SLC26A4: variants seen among roughly 807,000 people sequenced by gnomAD.
The protein encoded by SLC26A4 is solute carrier family 26 member 4, also known as pendrin.
In SLC26A4, 93 loss-of-function variants were observed where a neutral mutation model predicts 90.4. The ratio of observed to expected loss-of-function variants is 1.03; its 90% confidence interval spans 0.87 to 1.22. The LOEUF (loss-of-function observed/expected upper bound fraction) is 1.22, where lower values mean the gene tolerates loss of function less well. Ranked by LOEUF, SLC26A4 falls within the 50% of genes most tolerant of loss-of-function variation. The pLI is 0.00. For synonymous variants in SLC26A4, 393 were observed against 354.6 expected (o/e 1.11, Z -1.22); for missense variants, 1,127 against 946.2 (o/e 1.19, Z -2.51).
At chr7:107,683,677 A>G in intron 8 of SLC26A4, 140 bp downstream of exon 8, 1 of 707,318 alleles carries the variant, frequency 1.4e-6, no homozygotes, top group East Asian at 2.7e-5. Context: ...TGGAAGAAAC[A>G]ACCATAAGAC....
intron 6 of SLC26A4, among the ~76,000 whole-genome samples, chr7:107,675,436 G>A (rs1309182308): frequency 6.6e-6 from 1 of 151,800 alleles, no homozygotes; most frequent in African/African-American, 2.4e-5. Flanking sequence ...GAGCCCTGGA[G>A]GTTGAGGCTG....
At chr7:107,701,441 G>T (rs1791882859) in intron 16 of SLC26A4, among the ~76,000 whole-genome samples, 1 of 152,136 alleles carries the variant, frequency 6.6e-6, no homozygotes, top group South Asian at 2.1e-4. Flanking sequence ...AACAGTGTCT[G>T]CATTATTTTC....
intron 6 of SLC26A4, among the ~76,000 whole-genome samples, chr7:107,679,218 A>C (rs920992010): frequency 6.6e-6 from 1 of 152,010 alleles, no homozygotes; most frequent in African/African-American, 2.4e-5. Context: ...ATTTCCCACC[A>C]CTCAATTTGA....
At chr7:107,707,031 T>C (rs1358079911) in intron 18 of SLC26A4, among the ~76,000 whole-genome samples, 1 of 152,064 alleles carries the variant, frequency 6.6e-6, no homozygotes. Flanking sequence ...TAGCTGGGCA[T>C]GGAGCCTGAG....
Position 107,694,670 on chromosome 7 carries a change from A to G in SLC26A4, c.1391A>G (p.Gln464Arg). ...GCCAACCTGAAAGGGATGTTTATGC[A>G]GCTGTGTGACATTCCTCGTCTGTGG... is the stretch of plus-strand genomic sequence containing the variant. Reference protein sequence around the residue: ...VIANLKGMFMQLCDIPRLWRQ... With the variant: ...VIANLKGMFMRLCDIPRLWRQ... The change falls in exon 12 of 21, where the codon CAG (glutamine) becomes CGG (arginine). Residue 464 changes from glutamine to arginine, a missense_variant. Physicochemically the swap from Gln to Arg is conservative, Grantham distance 43. Transcript: ENST00000644269. 1 of 1,613,750 alleles carries G rather than the reference A, an allele frequency of 6.2e-7. No homozygotes were observed. The highest frequency in any genetic ancestry group is 8.5e-7 in the Non-Finnish European group (1 of 1,179,670).
At chr7:107,713,179 C>T (rs2129320528) in intron 20 of SLC26A4, among the ~76,000 whole-genome samples, 1 of 152,286 alleles carries the variant, frequency 6.6e-6, no homozygotes, top group African/African-American at 2.4e-5. Flanking sequence ...AAGAGGTGAA[C>T]ACTGAAGGAA....
At chr7:107,676,278 C>G (rs1419795015) in intron 6 of SLC26A4, among the ~76,000 whole-genome samples, 1 of 152,070 alleles carries the variant, frequency 6.6e-6, no homozygotes, top group African/African-American at 2.4e-5. Context: ...AACAAGTACT[C>G]TAAATAAAGG....
chr7:107,693,168 A>G lies in SLC26A4; in HGVS notation c.1264-1235A>G, dbSNP rs534620516. The G allele has an allele frequency of 1.2e-5, 4 of 327,652 alleles. No homozygotes were observed. In the South Asian group the frequency reaches 3.6e-4, roughly 30 times the overall value. The allele number at this position is 327,652 out of a possible 1,614,324, so 20.3% of individuals were successfully genotyped here. A position where few individuals can be genotyped will look rare whatever the true frequency, so the allele number is the denominator to read the frequency against. On this transcript the variant is annotated intron_variant, in intron 10 of 20. Transcript: ENST00000644269. Reference sequence around the variant, plus strand: ...AAGGGAGAGGAAGGGAAGGGATATGAAGGAAAGCGAAGAGAAGGGAGGGAA... The same window carrying G: ...AAGGGAGAGGAAGGGAAGGGATATGGAGGAAAGCGAAGAGAAGGGAGGGAA...
At chr7:107,693,566 A>G in intron 10 of SLC26A4, 1 of 985,232 alleles carries the variant, frequency 1.0e-6, no homozygotes, top group African/African-American at 1.7e-5. Flanking sequence ...TCTAATCTTC[A>G]TCTTGGCTCT....
intron 8 of SLC26A4, among the ~76,000 whole-genome samples, chr7:107,688,249 G>A (rs867083928): frequency 4.6e-5 from 7 of 152,126 alleles, no homozygotes; most frequent in African/African-American, 1.2e-4. Flanking sequence ...AATTATAGGG[G>A]AAAATGTAGT....
Position 107,663,362 on chromosome 7 carries a change from A to G in SLC26A4, c.231A>G (p.Lys77=). The G allele has an allele frequency of 6.2e-7, 1 of 1,614,148 alleles. No individual in the cohort carries two copies. Among genetic ancestry groups the G allele is most frequent in the Non-Finnish European group, 8.5e-7 (1 of 1,179,996 alleles). The change falls in exon 3 of 21, where the codon AAA becomes AAG. Residue 77 remains lysine, a synonymous_variant. Coordinates refer to ENST00000644269, the MANE Select transcript of SLC26A4 (RefSeq NM_000441.2). ...TLVPILEWLP[K]YRVKEWLLSD... Reference sequence around the variant, plus strand: ...TGCCCATCTTGGAGTGGCTCCCCAAATACCGAGTCAAGGAATGGCTGCTTA... The same window carrying G: ...TGCCCATCTTGGAGTGGCTCCCCAAGTACCGAGTCAAGGAATGGCTGCTTA...
chr7:107,695,064 A>T (rs953230148), intron 12 of SLC26A4, among the ~76,000 whole-genome samples: 1 of 152,230 alleles, frequency 6.6e-6, no homozygotes, highest in Non-Finnish European at 1.5e-5. Flanking sequence ...TACAAAATGT[A>T]AAAACCCACG....
At chr7:107,672,327 T>C in intron 4 of SLC26A4, 79 bp downstream of exon 4, 1 of 830,452 alleles carries the variant, frequency 1.2e-6, no homozygotes, top group African/African-American at 1.7e-5. Context: ...TATACCTCTA[T>C]TAGGTTGGTG....
At chr7:107,693,237 C>G in intron 10 of SLC26A4, 7 of 935,550 alleles carry the variant, frequency 7.5e-6, no homozygotes, top group Non-Finnish European at 8.9e-6. Flanking sequence ...AGGGAAAGAG[C>G]ACCAGGGTAC....
chr7:107,688,369 T>G (rs1989837), intron 8 of SLC26A4, among the ~76,000 whole-genome samples: 12,820 of 152,156 alleles, frequency 0.084, 743 homozygotes, highest in African/African-American at 0.16. Flanking sequence ...TATAGGTCCA[T>G]CTCCCAAATT....
chr7:107,684,908 G>A (rs558349108), intron 8 of SLC26A4, among the ~76,000 whole-genome samples: 1 of 152,294 alleles, frequency 6.6e-6, no homozygotes, highest in East Asian at 1.9e-4. Context: ...AGCAGGCCCT[G>A]TCCCATCCAT....
At chr7:107,663,170 A>G (rs2129309126) in intron 2 of SLC26A4, 126 bp from the exon 3 acceptor site, 2 of 1,113,090 alleles carry the variant, frequency 1.8e-6, no homozygotes, top group Non-Finnish European at 2.8e-6. Context: ...ATTATTTTCC[A>G]GGAAATACTT....
At chr7:107,670,546 G>A (rs903603643) in intron 3 of SLC26A4, among the ~76,000 whole-genome samples, 21 of 152,026 alleles carry the variant, frequency 1.4e-4, no homozygotes, top group Admixed American at 1.4e-3. Context: ...ATCTCTCCAC[G>A]TTACTGAATG....
At position 107,701,859 on chromosome 7, in the gene SLC26A4, T is replaced by C. The variant is rs1791896216; in HGVS notation, c.1836T>C (p.Asn612=). 1.9e-6 allele frequency: 3 copies of C among 1,612,174 alleles called. No individual in the cohort carries two copies. Among genetic ancestry groups the C allele is most frequent in the Non-Finnish European group, 1.7e-6 (2 of 1,178,220 alleles). Reference sequence around the variant, plus strand: ...TCATAAGTGATGCTGTTTCAACAAATAATGCTTTTGAGCCTGATGAGGATA... The same window carrying C: ...TCATAAGTGATGCTGTTTCAACAAACAATGCTTTTGAGCCTGATGAGGATA... The part of the protein sequence containing the change: ...NGIISDAVST[N]NAFEPDEDIE... Residue 612 remains asparagine, a synonymous_variant, in exon 17 of 21, where the codon AAT becomes AAC. Coordinates refer to ENST00000644269, the MANE Select transcript of SLC26A4 (RefSeq NM_000441.2).
Sources: gnomAD v4.1 joint callset for allele counts (sites outside exome capture counted in the v4.1 genomes callset) on GRCh38, gnomAD v4.1.1 for gene constraint, MANE v1.5 for transcripts, NCBI Gene and HGNC (gene_info 2026-07-23, HGNC 2026-07-21) for gene names.